SEC14L2: variants seen among roughly 807,000 people sequenced by gnomAD.
SEC14L2 encodes the protein SEC14 like lipid binding 2.
In SEC14L2, 50 loss-of-function variants were observed where a neutral mutation model predicts 56.9. The ratio of observed to expected loss-of-function variants is 0.88; its 90% CI spans 0.70 to 1.11. The LOEUF (loss-of-function observed/expected upper bound fraction) is 1.11, where lower values mean the gene tolerates loss of function less well. Among genes scored for constraint, SEC14L2 ranks in the 50% most tolerant of loss-of-function variants. SEC14L2 has a pLI of 0.00. For missense variants in SEC14L2, 414 were observed against 500.7 expected, an observed-to-expected ratio of 0.83 and a Z score of 1.65; for synonymous variants, 179 against 188.5, an observed-to-expected ratio of 0.95 and a Z score of 0.41.
chr22:30,415,896 G>A (rs543830441), intron 9 of SEC14L2, 31 bp downstream of exon 9: 2 of 1,614,198 alleles, frequency 1.2e-6, no homozygotes, highest in Admixed American at 1.7e-5. Context: ...GAGGTGAACA[G>A]GGATGCCTGG....
chr22:30,397,708 C>A, intron 1 of SEC14L2: 1 of 368,074 alleles, frequency 2.7e-6, no homozygotes, highest in Non-Finnish European at 5.6e-6. Context: ...GAGGTTGGAC[C>A]AGATGATGTT....
chr22:30,414,511 C>T (rs930514885), intron 8 of SEC14L2, among the ~76,000 whole-genome samples: 2 of 152,152 alleles, frequency 1.3e-5, no homozygotes, highest in African/African-American at 4.8e-5. Context: ...GTTGCATGGT[C>T]TTTGGTCCCT....
At chr22:30,419,247 C>G (rs1934456711) in intron 11 of SEC14L2, among the ~76,000 whole-genome samples, 2 of 152,118 alleles carry the variant, frequency 1.3e-5, no homozygotes, top group Admixed American at 1.3e-4. Context: ...GGTTTTCCTT[C>G]TCCTTAAAAT....
At chr22:30,407,277 G>C (rs560732921) in intron 4 of SEC14L2, 123 bp downstream of exon 4, 1 of 1,431,698 alleles carries the variant, frequency 7.0e-7, no homozygotes, top group African/African-American at 1.4e-5. Context: ...GAGCCCTGAT[G>C]GTCTCCAGAA....
chr22:30,398,349 G>C (rs987843831), intron 1 of SEC14L2, among the ~76,000 whole-genome samples: 1 of 152,176 alleles, frequency 6.6e-6, no homozygotes, highest in Non-Finnish European at 1.5e-5. Context: ...TGCTTTGTGG[G>C]GTGGGATGGT....
At chr22:30,410,719 T>G (rs764912286) in intron 8 of SEC14L2, 40 bp downstream of exon 8, 1 of 1,583,924 alleles carries the variant, frequency 6.3e-7, no homozygotes, top group East Asian at 2.2e-5. Context: ...AAGGAGGGTC[T>G]GTAGCCTAAA....
At chr22:30,408,583 C>T (rs760766344) in intron 5 of SEC14L2, among the ~76,000 whole-genome samples, 1 of 151,820 alleles carries the variant, frequency 6.6e-6, no homozygotes, top group Non-Finnish European at 1.5e-5. Context: ...AGACCCTGCG[C>T]CAAAAAAAAT....
rs761723731 is a variant in SEC14L2 at position 30,424,831 on chromosome 22, G to A, written c.*2424G>A. The A allele has an allele frequency of 4.4e-6, 2 of 456,516 alleles. No individual in the cohort carries two copies. Among genetic ancestry groups the A allele is most frequent in the Non-Finnish European group, 8.8e-6 (2 of 226,958 alleles). The allele number at this position is 456,516 out of a possible 1,614,324, so 28.3% of individuals were successfully genotyped here. A position where few individuals can be genotyped will look rare whatever the true frequency, so the allele number is the denominator to read the frequency against. Reference sequence around the variant, plus strand: ...ACCTGGGTGAACTGAGGTCCAGCGGGGGAAGGCTTCCTCCTGTTGTAATCA... The same window carrying A: ...ACCTGGGTGAACTGAGGTCCAGCGGAGGAAGGCTTCCTCCTGTTGTAATCA... On this transcript the variant is annotated 3_prime_UTR_variant, in exon 12 of 12. Coordinates refer to ENST00000615189, the MANE Select transcript of SEC14L2 (RefSeq NM_012429.5).
In SEC14L2 at chr22:30,408,105, C is replaced by CA. The variant is rs60513716; in HGVS notation, c.423+517dup. ...AGCCTGGGCGACAGAGACTCCATCT[C>CA]AAAAAAAAAAAAAAAGGAGTCCTTT... On this transcript the variant is annotated intron_variant, in intron 5 of 11. Transcript: ENST00000615189. 7.7e-3 allele frequency among the ~76,000 whole-genome samples: 686 copies of CA among 89,274 alleles called. 2 individuals carry two copies. The highest frequency in any genetic ancestry group is 0.037 in the Middle Eastern group (5 of 134). 58.6% of individuals were successfully genotyped at this position (89,274 alleles called of 152,430 possible). A position where few individuals can be genotyped will look rare whatever the true frequency, so the allele number is the denominator to read the frequency against.
Position 30,423,749 on chromosome 22 carries a change from G to C in SEC14L2, c.*1342G>C, listed in dbSNP as rs1292555950. ...GGACCGGAAGGGGCCGAGGCTGCAC[G>C]GGCCTCTGCCAGAACGCTCAGGACA... On this transcript the variant is annotated 3_prime_UTR_variant, in exon 12 of 12. Transcript: ENST00000615189. 2 of 152,340 alleles carry C rather than the reference G, an allele frequency of 1.3e-5. No individual in the cohort carries two copies. The highest frequency in any genetic ancestry group is 2.1e-4 in the South Asian group (1 of 4,838). 9.4% of individuals were successfully genotyped at this position (152,340 alleles called of 1,614,324 possible).
chr22:30,409,375 T>C, intron 6 of SEC14L2, 51 bp from the exon 7 acceptor site: 2 of 1,608,538 alleles, frequency 1.2e-6, no homozygotes, highest in Non-Finnish European at 1.7e-6. Flanking sequence ...GGTGAGGCAA[T>C]GGGGGCAGAT....
At chr22:30,402,512 G>A (rs1026677083) in intron 2 of SEC14L2, among the ~76,000 whole-genome samples, 1 of 152,156 alleles carries the variant, frequency 6.6e-6, no homozygotes, top group Non-Finnish European at 1.5e-5. Context: ...GGCTCAGAGA[G>A]GGGAGGGGAC....
chr22:30,422,532 C>A lies in SEC14L2; in HGVS notation c.*125C>A. The A allele has an allele frequency of 8.0e-7, 1 of 1,242,290 alleles. No homozygotes were observed. The highest frequency in any genetic ancestry group is 1.1e-6 in the Non-Finnish European group (1 of 899,826). 77.0% of individuals were successfully genotyped at this position (1,242,290 alleles called of 1,614,324 possible). A position where few individuals can be genotyped will look rare whatever the true frequency, so the allele number is the denominator to read the frequency against. ...TGGGCTGGAGGACAGACCTCAGGAG[C>A]TTTCATTTCAGTTAGGCAGAGGAAG... On this transcript the variant is annotated 3_prime_UTR_variant, in exon 12 of 12. Transcript: ENST00000615189.
intron 2 of SEC14L2, among the ~76,000 whole-genome samples, chr22:30,404,214 G>A (rs1024981130): frequency 1.3e-5 from 2 of 152,028 alleles, no homozygotes; most frequent in Non-Finnish European, 2.9e-5. Context: ...GTCAAGCAGA[G>A]AAATGAAGAG....
chr22:30,412,772 A>G (rs9608904), intron 8 of SEC14L2, among the ~76,000 whole-genome samples: 118,260 of 147,572 alleles, frequency 0.8, 47,866 homozygotes, highest in East Asian at 0.9. Flanking sequence ...GTGGTGAGTC[A>G]TGATGGGTGC....
chr22:30,418,591 A>G (rs936355393), intron 11 of SEC14L2, among the ~76,000 whole-genome samples: 21 of 152,156 alleles, frequency 1.4e-4, no homozygotes, highest in African/African-American at 5.1e-4. Context: ...TACATTCCCA[A>G]CCAGAACCTT....
At position 30,415,836 on chromosome 22, in the gene SEC14L2, C is replaced by T. The variant is rs200826529; in HGVS notation, c.742C>T (p.Pro248Ser). Residue 248 changes from proline to serine, a missense_variant, in exon 9 of 12, where the codon CCT becomes TCT. Physicochemically the swap from Pro to Ser is moderately conservative, Grantham distance 74. Transcript: ENST00000615189. Reference sequence around the variant, plus strand: ...GGAGTATGGGGGCACCATGACTGACCCTGATGGAAACCCCAAGTGCAAATC... The same window carrying T: ...GGAGTATGGGGGCACCATGACTGACTCTGATGGAAACCCCAAGTGCAAATC... ...PVEYGGTMTD[P>S]DGNPKCKSKI... The T allele has an allele frequency of 1.2e-5, 19 of 1,614,140 alleles. No individual in the cohort carries two copies. The East Asian group carries it at 4.2e-4, about 36-fold the overall frequency.
intron 11 of SEC14L2, 50 bp from the exon 12 acceptor site, chr22:30,422,227 C>G: frequency 6.2e-7 from 1 of 1,609,128 alleles, no homozygotes; most frequent in Non-Finnish European, 8.5e-7. Context: ...TGTCCCCAAG[C>G]CCTTTGCCAG....
At chr22:30,420,709 G>A (rs1934493879) in intron 11 of SEC14L2, 1 of 152,074 alleles carries the variant, frequency 6.6e-6, no homozygotes, top group African/African-American at 2.4e-5. Flanking sequence ...TTTTGTCCAG[G>A]GTCAGGAAAA....
Sources: gnomAD v4.1 joint callset for allele counts (sites outside exome capture counted in the v4.1 genomes callset) on GRCh38, gnomAD v4.1.1 for gene constraint, MANE v1.5 for transcripts, NCBI Gene and HGNC (gene_info 2026-07-23, HGNC 2026-07-21) for gene names.